Variants in CRISPLD2 observed in about 807,000 individuals in gnomAD.
CRISPLD2 encodes the protein cysteine-rich secretory protein LCCL domain-containing 2.
In CRISPLD2, 47 loss-of-function variants were observed where a neutral mutation model predicts 71.1. That is an observed-to-expected ratio of 0.66 (90% CI 0.52 to 0.84). The LOEUF is 0.84. CRISPLD2 is among the 40% of genes least tolerant of loss of function. CRISPLD2 has a pLI of 0.00. For synonymous variants in CRISPLD2, 317 were observed against 250.1 expected, an observed-to-expected ratio of 1.27 and a Z score of -2.52; for missense variants, 830 against 651.1, an observed-to-expected ratio of 1.27 and a Z score of -2.99.
chr16:84,833,791 G>T (rs746278569), intron 1 of CRISPLD2, among the ~76,000 whole-genome samples: 1 of 152,324 alleles, frequency 6.6e-6, no homozygotes, highest in Non-Finnish European at 1.5e-5. Flanking sequence ...TCCCATGGGG[G>T]TGACACGTTG....
chr16:84,885,917 C>G (rs948981441), intron 13 of CRISPLD2, among the ~76,000 whole-genome samples: 1 of 148,638 alleles, frequency 6.7e-6, no homozygotes, highest in African/African-American at 2.5e-5. Flanking sequence ...CTCCTGGGCT[C>G]AAGCGATCCT....
chr16:84,876,330 C>G (rs920597843), intron 11 of CRISPLD2, among the ~76,000 whole-genome samples: 1 of 147,738 alleles, frequency 6.8e-6, no homozygotes, highest in East Asian at 2.0e-4. Context: ...GGTGAAACCC[C>G]GTCTCTACTA....
intron 14 of CRISPLD2, among the ~76,000 whole-genome samples, chr16:84,903,598 TAAA>T (rs10557896): frequency 5.1e-4 from 70 of 136,156 alleles, no homozygotes; most frequent in African/African-American, 1.6e-3. Flanking sequence ...TCTTAAAATT[TAAA>T]AAAAAAAAAA....
At chr16:84,820,623 G>C (rs1488877605) in intron 1 of CRISPLD2, among the ~76,000 whole-genome samples, 1 of 152,158 alleles carries the variant, frequency 6.6e-6, no homozygotes, top group Non-Finnish European at 1.5e-5. Context: ...TCATTTGCAA[G>C]GTAGCCTTCT....
chr16:84,826,207 G>A (rs1916348510), intron 1 of CRISPLD2, among the ~76,000 whole-genome samples: 1 of 152,340 alleles, frequency 6.6e-6, no homozygotes, highest in Admixed American at 6.5e-5. Context: ...ATAGGGCCTG[G>A]TGTGACCAGA....
At chr16:84,892,890 C>T (rs552253333) in intron 14 of CRISPLD2, among the ~76,000 whole-genome samples, 12 of 148,710 alleles carry the variant, frequency 8.1e-5, no homozygotes, top group East Asian at 2.0e-4. Context: ...GCAGGAGAAT[C>T]GCTTGAAACC....
chr16:84,896,725 G>GT (rs1349241478), intron 14 of CRISPLD2, among the ~76,000 whole-genome samples: 2 of 152,146 alleles, frequency 1.3e-5, no homozygotes, highest in African/African-American at 2.4e-5. Context: ...GCGACCCACC[G>GT]TAAGTCAGGG....
chr16:84,852,248 G>T (rs1917109678), intron 5 of CRISPLD2, among the ~76,000 whole-genome samples: 1 of 152,208 alleles, frequency 6.6e-6, no homozygotes, highest in African/African-American at 2.4e-5. Context: ...TTCAACACTG[G>T]GATTTGGGGA....
chr16:84,878,759 G>C (rs981712301), intron 12 of CRISPLD2, among the ~76,000 whole-genome samples: 1 of 152,220 alleles, frequency 6.6e-6, no homozygotes, highest in African/African-American at 2.4e-5. Flanking sequence ...AGGTGGAAAA[G>C]GCCGCAGGTC....
intron 1 of CRISPLD2, among the ~76,000 whole-genome samples, chr16:84,838,093 A>T (rs1916670344): frequency 6.6e-6 from 1 of 152,084 alleles, no homozygotes; most frequent in African/African-American, 2.4e-5. Context: ...TTTGTGCCTG[A>T]GATTCACCTG....
chr16:84,870,638 T>G (rs2071460444), intron 8 of CRISPLD2, among the ~76,000 whole-genome samples: 1 of 152,206 alleles, frequency 6.6e-6, no homozygotes, highest in African/African-American at 2.4e-5. Flanking sequence ...TTTCACTTAG[T>G]ATTTTCCAAA....
chr16:84,846,587 A>G (rs1274539198), intron 3 of CRISPLD2, among the ~76,000 whole-genome samples: 1 of 152,014 alleles, frequency 6.6e-6, no homozygotes, highest in Admixed American at 6.6e-5. Context: ...TCTCCTGTGC[A>G]GGGTTCTTGA....
chr16:84,837,770 G>A (rs1472520739), intron 1 of CRISPLD2, among the ~76,000 whole-genome samples: 2 of 152,074 alleles, frequency 1.3e-5, no homozygotes, highest in East Asian at 1.9e-4. Context: ...GACCTCCTGG[G>A]TTGCCATGGT....
At chr16:84,875,414 C>CTTTTTTTTTTTTTT (rs34028519) in intron 11 of CRISPLD2, among the ~76,000 whole-genome samples, 2 of 87,784 alleles carry the variant, frequency 2.3e-5, no homozygotes, top group African/African-American at 1.1e-4. Context: ...TATGCATGGA[C>CTTTTTTTTTTTTTT]TTTTTTTTTT....
At chr16:84,879,139 C>G (rs1330516371) in intron 12 of CRISPLD2, among the ~76,000 whole-genome samples, 1 of 152,210 alleles carries the variant, frequency 6.6e-6, no homozygotes, top group African/African-American at 2.4e-5. Context: ...TGGGCCTCCA[C>G]TGCCTCCGCA....
chr16:84,884,750 C>T (rs1390905579), intron 13 of CRISPLD2, among the ~76,000 whole-genome samples: 1 of 152,176 alleles, frequency 6.6e-6, no homozygotes, highest in African/African-American at 2.4e-5. Flanking sequence ...CGTACTGACG[C>T]CCTGCAGCTT....
At chr16:84,853,647 T>C (rs1917150951) in intron 5 of CRISPLD2, among the ~76,000 whole-genome samples, 1 of 152,190 alleles carries the variant, frequency 6.6e-6, no homozygotes, top group Admixed American at 6.5e-5. Context: ...CCGTTTGTCT[T>C]TGGCCAGCAC....
At chr16:84,820,475 T>A (rs1324097165) in intron 1 of CRISPLD2, among the ~76,000 whole-genome samples, 1 of 152,152 alleles carries the variant, frequency 6.6e-6, no homozygotes, top group Non-Finnish European at 1.5e-5. Flanking sequence ...GTGTTCGTAG[T>A]GGGTGTCAAT....
rs965984074 is a variant in CRISPLD2 at position 84,838,589 on chromosome 16, G to C, written c.94G>C (p.Glu32Gln). Residue 32 changes from glutamate to glutamine, a missense_variant, in exon 2 of 15, where the codon GAG becomes CAG. Transcript: ENST00000262424. ...GYLLPNVTLL[E>Q]ELLSKYQHNE... is the part of the protein sequence containing the mutation. The stretch of plus-strand genomic sequence containing the variant: ...CCTCCTGCCCAACGTCACTCTCTTA[G>C]AGGAGCTGCTCAGCAAATACCAGCA... 29 of 1,614,212 alleles carry C rather than the reference G, an allele frequency of 1.8e-5. No homozygotes were observed. In the East Asian group the frequency reaches 6.2e-4, roughly 35 times the overall value.
Sources: gnomAD v4.1 joint callset for allele counts (sites outside exome capture counted in the v4.1 genomes callset) on GRCh38, gnomAD v4.1.1 for gene constraint, MANE v1.5 for transcripts, NCBI Gene and HGNC (gene_info 2026-07-23, HGNC 2026-07-21) for gene names.